The following CEP126 variants were observed in gnomAD, a reference collection of about 807,000 sequenced individuals.
CEP126 encodes the protein centrosomal protein 126.
CEP126 carries 74 observed loss-of-function variants against 107.8 expected under a neutral mutation model. That is an observed-to-expected ratio of 0.69 (90% confidence interval 0.57 to 0.83). The LOEUF (loss-of-function observed/expected upper bound fraction) is 0.83, where lower values mean the gene tolerates loss of function less well. CEP126 is among the 40% of genes least tolerant of loss of function. The pLI, the probability that CEP126 is intolerant of heterozygous loss-of-function variation, is 0.00. For missense variants in CEP126, 1,237 were observed against 1,281.9 expected (o/e 0.96, Z 0.53); for synonymous variants, 449 against 446.0 (o/e 1.01, Z -0.08).
intron 2 of CEP126, among the ~76,000 whole-genome samples, chr11:101,937,950 G>C (rs1315786580): frequency 6.6e-6 from 1 of 151,088 alleles, no homozygotes; most frequent in Non-Finnish European, 1.5e-5. Context: ...TCAGGAGATC[G>C]AGACCATCCT....
Position 101,961,787 on chromosome 11 carries a change from C to T in CEP126, c.752C>T (p.Ser251Leu). ...VNQITNSETLSSIDSLEATEH... is the reference protein window; with the variant it reads ...VNQITNSETLLSIDSLEATEH... Reference sequence around the variant, plus strand: ...CAGATAACCAATTCTGAAACCCTCTCAAGTATAGACAGTCTTGAGGCTACA... The same window carrying T: ...CAGATAACCAATTCTGAAACCCTCTTAAGTATAGACAGTCTTGAGGCTACA... The change falls in exon 6 of 11, where the codon TCA (serine) becomes TTA (leucine). Residue 251 changes from serine (S) to leucine (L), a missense_variant. By Grantham distance (145) the Ser-to-Leu change is moderately radical. This residue lies in a region of CEP126 where 1,134 missense variants were observed against 1,150.5 expected (regional missense o/e 0.99). Coordinates refer to ENST00000263468, the MANE Select transcript of CEP126 (RefSeq NM_020802.4). 1 of 1,575,514 alleles carries T rather than the reference C, an allele frequency of 6.3e-7. No homozygotes were observed. The highest frequency in any genetic ancestry group is 8.6e-7 in the Non-Finnish European group (1 of 1,166,308).
intron 10 of CEP126, among the ~76,000 whole-genome samples, chr11:101,996,131 A>G (rs1233823463): frequency 1.3e-5 from 2 of 152,194 alleles, no homozygotes; most frequent in African/African-American, 4.8e-5. Context: ...GGCCCTGCTG[A>G]CCAACAGCAG....
chr11:101,963,580 A>G lies in CEP126; in HGVS notation c.2545A>G (p.Ser849Gly). The change falls in exon 6 of 11, where the codon AGT becomes GGT. Residue 849 changes from serine to glycine, a missense_variant. Physicochemically the swap from Ser to Gly is moderately conservative, Grantham distance 56 (BLOSUM62 0). This residue lies in a region of CEP126 where 1,134 missense variants were observed against 1,150.5 expected (regional missense o/e 0.99). Transcript: ENST00000263468. ...AAAACATGTGCTTCCAACAGAACAC[A>G]GTTTGAATCAGTGGAATCAGGAAAG... ...NSKHVLPTEH[S>G]LNQWNQESSS... 1 of 1,614,200 alleles carries G rather than the reference A, an allele frequency of 6.2e-7. No homozygotes were observed. The highest frequency in any genetic ancestry group is 8.5e-7 in the Non-Finnish European group (1 of 1,180,030).
intron 10 of CEP126, among the ~76,000 whole-genome samples, chr11:101,996,920 C>G (rs1941448667): frequency 6.6e-6 from 1 of 152,118 alleles, no homozygotes; most frequent in Admixed American, 6.5e-5. Flanking sequence ...TGCTATACAA[C>G]ACTATAGAGT....
At chr11:101,994,928 G>A (rs1159686607) in intron 10 of CEP126, among the ~76,000 whole-genome samples, 2 of 150,654 alleles carry the variant, frequency 1.3e-5, no homozygotes, top group African/African-American at 4.9e-5. Context: ...AGAACATGCA[G>A]GTTTGTTACA....
At position 101,927,421 on chromosome 11, in the gene CEP126, TC is replaced by T. The variant is rs1565350092; in HGVS notation, c.248+4666del. 2.6e-5 allele frequency among the ~76,000 whole-genome samples: 4 copies of T among 152,216 alleles called. No individual in the cohort carries two copies. In the South Asian group the frequency reaches 8.3e-4, roughly 32 times the overall value. On this transcript the variant is annotated intron_variant, in intron 2 of 10. Transcript: ENST00000263468. ...GATTCCATATACCTTTTACCCAGTTTCCCCCAATGATAACATCTTGCAAAAC... is the reference window on the plus strand; with the variant it reads ...GATTCCATATACCTTTTACCCAGTTTCCCCAATGATAACATCTTGCAAAAC...
At chr11:101,964,800 T>C (rs781219587) in intron 6 of CEP126, among the ~76,000 whole-genome samples, 16 of 152,214 alleles carry the variant, frequency 1.1e-4, no homozygotes, top group Non-Finnish European at 2.2e-4. Flanking sequence ...TAGGATCTGA[T>C]TCTTGTCCCA....
intron 7 of CEP126, 57 bp from the exon 8 acceptor site, chr11:101,981,832 C>A: frequency 9.8e-7 from 1 of 1,018,264 alleles, no homozygotes; most frequent in Non-Finnish European, 1.5e-6. Flanking sequence ...AGTTCATGTA[C>A]ATATTATGAA....
intron 5 of CEP126, among the ~76,000 whole-genome samples, chr11:101,959,544 A>C (rs1940946451): frequency 6.6e-6 from 1 of 152,240 alleles, no homozygotes; most frequent in South Asian, 2.1e-4. Context: ...TAGACATGTG[A>C]AGAATCAGGA....
At chr11:101,970,634 A>G (rs1941115386) in intron 6 of CEP126, among the ~76,000 whole-genome samples, 1 of 152,130 alleles carries the variant, frequency 6.6e-6, no homozygotes, top group Non-Finnish European at 1.5e-5. Context: ...AATAATTATT[A>G]AGAATATCTT....
chr11:101,953,440 C>T (rs1037437837), intron 4 of CEP126, among the ~76,000 whole-genome samples: 16 of 151,956 alleles, frequency 1.1e-4, no homozygotes, highest in African/African-American at 3.9e-4. Flanking sequence ...GATAAGGTCA[C>T]ATAGACAGTA....
chr11:101,986,998 G>C lies in CEP126; in HGVS notation c.3201G>C (p.Gln1067His). 6.2e-7 allele frequency: 1 copy of C among 1,613,420 alleles called. No individual in the cohort carries two copies. Among genetic ancestry groups the C allele is most frequent in the Non-Finnish European group, 8.5e-7 (1 of 1,179,610 alleles). The change falls in exon 9 of 11, where the codon CAG becomes CAC. Residue 1067 changes from glutamine to histidine, a missense_variant. Gln to His is a conservative substitution (Grantham distance 24). Coordinates refer to ENST00000263468, the MANE Select transcript of CEP126 (RefSeq NM_020802.4). ...TCTGCACACTGTCAGCTGAAGAACA[G>C]AAGATCCTAGAGTCCCTTAATGATC... ...FNICTLSAEE[Q>H]KILESLNDLS... is the part of the protein sequence containing the mutation.
chr11:101,937,197 C>T (rs949317130), intron 2 of CEP126, among the ~76,000 whole-genome samples: 1 of 152,186 alleles, frequency 6.6e-6, no homozygotes, highest in African/African-American at 2.4e-5. Flanking sequence ...ATGTCATTGT[C>T]TCAGTCAACC....
chr11:101,929,481 T>A (rs368833918), intron 2 of CEP126, among the ~76,000 whole-genome samples: 2 of 152,318 alleles, frequency 1.3e-5, no homozygotes, highest in South Asian at 4.1e-4. Flanking sequence ...CAGTTCTTTA[T>A]TACTGCTGAG....
At chr11:101,974,678 C>A (rs1396170376) in intron 6 of CEP126, among the ~76,000 whole-genome samples, 1 of 152,002 alleles carries the variant, frequency 6.6e-6, no homozygotes, top group Non-Finnish European at 1.5e-5. Flanking sequence ...TGAAACTATC[C>A]TATCTAGAAT....
chr11:101,954,238 G>A (rs907285733), intron 4 of CEP126, among the ~76,000 whole-genome samples: 2 of 152,116 alleles, frequency 1.3e-5, no homozygotes, highest in African/African-American at 4.8e-5. Flanking sequence ...ATTTTGGCCA[G>A]GAGGGTCTCG....
At chr11:101,996,948 T>G (rs1941448992) in intron 10 of CEP126, among the ~76,000 whole-genome samples, 1 of 152,208 alleles carries the variant, frequency 6.6e-6, no homozygotes, top group Admixed American at 6.5e-5. Flanking sequence ...GTACCCAGAA[T>G]TTATCTAGAA....
intron 6 of CEP126, among the ~76,000 whole-genome samples, chr11:101,968,411 G>A (rs528947078): frequency 2.4e-4 from 36 of 151,988 alleles, no homozygotes; most frequent in African/African-American, 8.5e-4. Flanking sequence ...GCTTGGAGGT[G>A]GATGAAGGAA....
intron 2 of CEP126, among the ~76,000 whole-genome samples, chr11:101,936,759 T>C (rs940480086): frequency 1.1e-4 from 16 of 152,176 alleles, no homozygotes; most frequent in Admixed American, 1.3e-4. Flanking sequence ...GCTGAGAATT[T>C]TTATGAATGT....
Sources: allele counts gnomAD v4.1 joint callset (sites outside exome capture counted in the v4.1 genomes callset), GRCh38; gene constraint gnomAD v4.1.1; regional missense constraint gnomAD v4.1.1; transcripts MANE v1.5; gene names NCBI Gene and HGNC (gene_info 2026-07-23, HGNC 2026-07-21).